IPO8: variants seen among roughly 807,000 people sequenced by gnomAD.
IPO8 encodes the protein importin 8, also known as importin-8.
Under a neutral mutation model 141.2 loss-of-function variants are expected in IPO8, and 65 were observed. That is an observed-to-expected ratio of 0.46 (90% CI 0.38 to 0.57). The LOEUF (loss-of-function observed/expected upper bound fraction) is 0.57. Ranked by LOEUF, IPO8 falls within the 20% of genes least tolerant of loss-of-function variation. The probability of loss-of-function intolerance (pLI) is 0.00; values close to 1 mark genes in which losing one functional copy is unlikely to be tolerated. For missense variants in IPO8, 980 were observed against 1,246.8 expected, an observed-to-expected ratio of 0.79 and a Z score of 3.22; for synonymous variants, 411 against 420.3, an observed-to-expected ratio of 0.98 and a Z score of 0.27.
chr12:30,635,004 C>T (rs909775783), intron 22 of IPO8, among the ~76,000 whole-genome samples: 1 of 152,062 alleles, frequency 6.6e-6, no homozygotes, highest in African/African-American at 2.4e-5. Context: ...AAAGGTAATT[C>T]TGTCAATTCC....
intron 17 of IPO8, among the ~76,000 whole-genome samples, chr12:30,654,709 CTG>C (rs916586494): frequency 1.3e-5 from 2 of 151,790 alleles, no homozygotes; most frequent in African/African-American, 4.8e-5. Flanking sequence ...AAGTTAAATG[CTG>C]GAGGGGATGT....
At chr12:30,660,827 T>A (rs943611383) in intron 16 of IPO8, among the ~76,000 whole-genome samples, 4 of 152,232 alleles carry the variant, frequency 2.6e-5, no homozygotes, top group Admixed American at 6.5e-5. Context: ...GCTCATTTCT[T>A]ATTCAATTTG....
At chr12:30,675,459 T>C (rs144441570) in intron 6 of IPO8, among the ~76,000 whole-genome samples, 2 of 152,122 alleles carry the variant, frequency 1.3e-5, no homozygotes, top group African/African-American at 4.8e-5. Context: ...TGCACAAAAA[T>C]TTAAGTACAT....
intron 1 of IPO8, among the ~76,000 whole-genome samples, chr12:30,690,954 C>T (rs1341001629): frequency 1.3e-5 from 2 of 152,090 alleles, no homozygotes; most frequent in African/African-American, 2.4e-5. Context: ...TTCTCTATTA[C>T]TAAGGAGGTT....
chr12:30,676,823 A>G, intron 5 of IPO8: 1 of 1,102,016 alleles, frequency 9.1e-7, no homozygotes. Flanking sequence ...TTTTAAAAGG[A>G]AAAACAAATG....
chr12:30,667,495 C>T (rs542353125), intron 10 of IPO8, among the ~76,000 whole-genome samples: 8 of 152,306 alleles, frequency 5.3e-5, no homozygotes, highest in African/African-American at 1.9e-4. Context: ...TCAGTCAATA[C>T]ATTTAGATAG....
chr12:30,639,469 A>T, intron 21 of IPO8, 46 bp downstream of exon 21: 2 of 1,332,730 alleles, frequency 1.5e-6, no homozygotes, highest in Non-Finnish European at 2.2e-6. Context: ...TAAAAAGCAA[A>T]CTTTCCAGAA....
chr12:30,639,459 TA>T, intron 21 of IPO8, 55 bp downstream of exon 21: 2 of 1,232,032 alleles, frequency 1.6e-6, no homozygotes, highest in Non-Finnish European at 2.4e-6. Flanking sequence ...ACACAAATAT[TA>T]AAAAGCAAAC....
intron 1 of IPO8, among the ~76,000 whole-genome samples, chr12:30,690,815 GA>G (rs1439706009): frequency 6.6e-6 from 1 of 152,152 alleles, no homozygotes. Flanking sequence ...CATATTGTCA[GA>G]ATGGTCTCCA....
At chr12:30,648,688 T>C (rs1242687158) in intron 20 of IPO8, among the ~76,000 whole-genome samples, 3 of 152,126 alleles carry the variant, frequency 2.0e-5, no homozygotes, top group Non-Finnish European at 4.4e-5. Context: ...GCATTAATCT[T>C]GTTGAAAAAA....
Position 30,652,963 on chromosome 12 carries a change from A to G in IPO8, c.2074+4T>C, listed in dbSNP as rs759827584. The G allele has an allele frequency of 1.3e-6, 2 of 1,599,648 alleles. No homozygotes were observed. The highest frequency in any genetic ancestry group is 4.5e-5 in the East Asian group (2 of 44,614). The stretch of plus-strand genomic sequence containing the variant: ...GCAAAAATTTTATATGGTCAAAGCC[A>G]TACCTGTAAAGTATTCAAAGCAATC... On this transcript the variant is annotated splice_donor_region_variant and intron_variant, in intron 18 of 24. Coordinates refer to ENST00000256079, the MANE Select transcript of IPO8 (RefSeq NM_006390.4).
intron 2 of IPO8, among the ~76,000 whole-genome samples, chr12:30,689,433 A>G (rs1482549327): frequency 6.6e-6 from 1 of 152,204 alleles, no homozygotes. Flanking sequence ...GGTTTCAAAA[A>G]TTTACACAGA....
intron 5 of IPO8, among the ~76,000 whole-genome samples, chr12:30,679,891 T>A (rs2053166802): frequency 1.3e-5 from 2 of 152,234 alleles, no homozygotes. Flanking sequence ...CTTTCAAGGA[T>A]TTGATGTTAA....
At chr12:30,666,382 A>G (rs2052965977) in intron 10 of IPO8, 131 bp from the exon 11 acceptor site, 1 of 531,632 alleles carries the variant, frequency 1.9e-6, no homozygotes, top group African/African-American at 1.9e-5. Context: ...TGACAGTACT[A>G]AAAAGGTAAG....
At chr12:30,686,251 T>C (rs1011530731) in intron 2 of IPO8, 5 of 152,130 alleles carry the variant, frequency 3.3e-5, no homozygotes, top group African/African-American at 1.2e-4. Context: ...TGGCAAAGAG[T>C]ACACATTCCA....
intron 21 of IPO8, among the ~76,000 whole-genome samples, chr12:30,639,257 T>G (rs966771290): frequency 2.6e-5 from 4 of 152,048 alleles, no homozygotes; most frequent in African/African-American, 9.7e-5. Flanking sequence ...GATACAATGA[T>G]ACACTTGTGT....
intron 17 of IPO8, among the ~76,000 whole-genome samples, chr12:30,654,094 C>G (rs1420967534): frequency 6.6e-6 from 1 of 151,938 alleles, no homozygotes; most frequent in Non-Finnish European, 1.5e-5. Flanking sequence ...TAAAAACACA[C>G]AATGGAGAAA....
intron 1 of IPO8, chr12:30,694,952 T>C: frequency 4.4e-6 from 2 of 455,714 alleles, no homozygotes; most frequent in Non-Finnish European, 8.8e-6. Flanking sequence ...TTAGCATTCA[T>C]AAGAAATTTC....
chr12:30,676,672 T>C (rs1292600505), intron 5 of IPO8, 85 bp from the exon 6 acceptor site: 18 of 937,482 alleles, frequency 1.9e-5, no homozygotes, highest in Non-Finnish European at 2.6e-5. Context: ...GGCTAAAATA[T>C]ATGAAAGGGC....
Sources: gnomAD v4.1 joint callset for allele counts (sites outside exome capture counted in the v4.1 genomes callset) on GRCh38, gnomAD v4.1.1 for gene constraint, MANE v1.5 for transcripts, NCBI Gene and HGNC (gene_info 2026-07-23, HGNC 2026-07-21) for gene names.